Variants in PRKAR1B observed in about 807,000 individuals in gnomAD.
The protein encoded by PRKAR1B is protein kinase cAMP-dependent type I regulatory subunit beta, also known as cAMP-dependent protein kinase type I-beta regulatory subunit.
Under a neutral mutation model 46.5 loss-of-function variants are expected in PRKAR1B, and 22 were observed. The observed-to-expected ratio is 0.47, with a 90% CI of 0.34 to 0.68. The LOEUF (loss-of-function observed/expected upper bound fraction) is 0.68. Ranked by LOEUF, PRKAR1B falls within the 30% of genes least tolerant of loss-of-function variation. The probability of loss-of-function intolerance (pLI) is 0.01; values close to 1 mark genes in which losing one functional copy is unlikely to be tolerated. For synonymous variants in PRKAR1B, 259 were observed against 217.7 expected (o/e 1.19, Z -1.67); for missense variants, 445 against 535.6 (o/e 0.83, Z 1.67).
intron 2 of PRKAR1B, among the ~76,000 whole-genome samples, chr7:683,922 C>A (rs1218296116): frequency 6.6e-6 from 1 of 152,268 alleles, no homozygotes; most frequent in Non-Finnish European, 1.5e-5. Context: ...CTGATGCCCA[C>A]CTCCATGTGT....
At chr7:674,387 C>T (rs1032728496) in intron 4 of PRKAR1B, among the ~76,000 whole-genome samples, 3 of 152,132 alleles carry the variant, frequency 2.0e-5, no homozygotes, top group African/African-American at 7.2e-5. Context: ...CATCTAACTA[C>T]TCCAGTCATG....
intron 2 of PRKAR1B, among the ~76,000 whole-genome samples, chr7:702,995 A>G (rs1160498363): frequency 6.6e-6 from 1 of 152,118 alleles, no homozygotes; most frequent in Non-Finnish European, 1.5e-5. Context: ...GTCAAATCAT[A>G]TAAAAAAAGA....
chr7:680,394 C>G (rs545523204), intron 3 of PRKAR1B, among the ~76,000 whole-genome samples, 162 bp downstream of exon 3: 1 of 152,154 alleles, frequency 6.6e-6, no homozygotes, highest in African/African-American at 2.4e-5. Flanking sequence ...CCAAGCCCAC[C>G]CAGAACTGCC....
At chr7:629,919 G>T (rs111232578) in intron 4 of PRKAR1B, among the ~76,000 whole-genome samples, 1 of 64,842 alleles carries the variant, frequency 1.5e-5, no homozygotes, top group Non-Finnish European at 2.9e-5. Flanking sequence ...CCACCCCAGG[G>T]CTGGAAAACG....
intron 7 of PRKAR1B, among the ~76,000 whole-genome samples, chr7:594,090 C>T (rs1176561212): frequency 1.3e-5 from 2 of 152,126 alleles, no homozygotes; most frequent in African/African-American, 2.4e-5. Flanking sequence ...TCCCAGCTCA[C>T]GGGGCTCCAT....
chr7:657,732 C>T (rs1235641984), intron 4 of PRKAR1B, among the ~76,000 whole-genome samples: 1 of 152,118 alleles, frequency 6.6e-6, no homozygotes, highest in East Asian at 1.9e-4. Flanking sequence ...GCAACTGTTG[C>T]TTTTTTTGAA....
chr7:608,668 T>C (rs1936694036), intron 4 of PRKAR1B, among the ~76,000 whole-genome samples: 1 of 118,554 alleles, frequency 8.4e-6, no homozygotes, highest in African/African-American at 3.5e-5. Context: ...GAGGGATCAG[T>C]GTGTGGCAGG....
intron 9 of PRKAR1B, among the ~76,000 whole-genome samples, chr7:556,983 C>G (rs1230233490): frequency 6.6e-6 from 1 of 152,232 alleles, no homozygotes; most frequent in African/African-American, 2.4e-5. Context: ...TGCCCCTTGC[C>G]CTCCCACAGC....
chr7:723,997 G>C (rs759899729), intron 1 of PRKAR1B, among the ~76,000 whole-genome samples: 1 of 152,166 alleles, frequency 6.6e-6, no homozygotes, highest in African/African-American at 2.4e-5. Flanking sequence ...CTTTTATGAG[G>C]ACAGCAGTCA....
intron 6 of PRKAR1B, among the ~76,000 whole-genome samples, chr7:604,250 A>G (rs1423338902): frequency 3.3e-5 from 5 of 152,192 alleles, no homozygotes; most frequent in Non-Finnish European, 7.4e-5. Flanking sequence ...TTCCTGGGCT[A>G]GGCTTTTTTT....
chr7:672,450 C>A (rs1248623548), intron 4 of PRKAR1B, among the ~76,000 whole-genome samples: 1 of 152,138 alleles, frequency 6.6e-6, no homozygotes, highest in African/African-American at 2.4e-5. Context: ...CCGCACCCGG[C>A]CTTGTTGAAC....
At chr7:575,618 T>G (rs187529457) in intron 9 of PRKAR1B, among the ~76,000 whole-genome samples, 42 of 152,192 alleles carry the variant, frequency 2.8e-4, no homozygotes, top group African/African-American at 9.6e-4. Flanking sequence ...CAATCATAGC[T>G]CACTGTAGCC....
chr7:698,520 G>A (rs1297373514), intron 2 of PRKAR1B, among the ~76,000 whole-genome samples: 1 of 152,022 alleles, frequency 6.6e-6, no homozygotes, highest in Non-Finnish European at 1.5e-5. Flanking sequence ...GTGAGCATGT[G>A]CACATATGTG....
In PRKAR1B at chr7:711,497, G is replaced by C. The variant is rs1385709730; in HGVS notation, c.9C>G (p.Ser3=). Reference sequence around the variant, plus strand: ...CCTCCTCCGAGGGGCAGGCGGGCGGGGAGGCCATGGCGAGGGTGGCTGCTT... The same window carrying C: ...CCTCCTCCGAGGGGCAGGCGGGCGGCGAGGCCATGGCGAGGGTGGCTGCTT... MA[S]PPACPSEEDE... is the part of the protein sequence containing the mutation. Residue 3 remains serine (S), a synonymous_variant, in exon 2 of 11, where the codon TCC becomes TCG. Transcript: ENST00000537384. The C allele has an allele frequency of 2.5e-6, 4 of 1,613,480 alleles. No individual in the cohort carries two copies. Among genetic ancestry groups the C allele is most frequent in the East Asian group, 2.2e-5 (1 of 44,880 alleles).
intron 9 of PRKAR1B, among the ~76,000 whole-genome samples, chr7:573,072 C>T (rs990021232): frequency 3.3e-5 from 5 of 152,142 alleles, no homozygotes; most frequent in Admixed American, 3.3e-4. Context: ...CCGCCCTGGA[C>T]GTGCGGTCCA....
intron 4 of PRKAR1B, among the ~76,000 whole-genome samples, chr7:637,248 T>G (rs894768790): frequency 6.6e-6 from 1 of 151,826 alleles, no homozygotes; most frequent in African/African-American, 2.4e-5. Flanking sequence ...TGAAATCCCG[T>G]CTCTAACTAA....
At chr7:557,151 C>A in intron 9 of PRKAR1B, among the ~76,000 whole-genome samples, 1 of 152,196 alleles carries the variant, frequency 6.6e-6, no homozygotes. Flanking sequence ...CCCCGGGACT[C>A]CCTCCTCCTG....
In PRKAR1B at chr7:602,929, C is replaced by A. The variant is rs1178850020; in HGVS notation, c.549+3264G>T. On this transcript the variant is annotated intron_variant, in intron 6 of 10. Transcript: ENST00000537384. This position sits in a 1 kb window ranked among gnomAD's most constrained non-coding sequence, Gnocchi z 6.4. ...GGGTCCTCTGAGTCCCGAGTCCACG[C>A]GATCCTGACCCGTCCACCACCCTCC... 6.6e-6 allele frequency among the ~76,000 whole-genome samples: 1 copy of A among 152,180 alleles called. No homozygotes were observed. The highest frequency in any genetic ancestry group is 1.9e-4 in the East Asian group (1 of 5,190).
At chr7:663,144 A>G (rs928111957) in intron 4 of PRKAR1B, among the ~76,000 whole-genome samples, 1 of 152,206 alleles carries the variant, frequency 6.6e-6, no homozygotes, top group Non-Finnish European at 1.5e-5. Flanking sequence ...AGAATCAGTC[A>G]CTTCCTCAGT....
Sources: gnomAD v4.1 joint callset for allele counts (sites outside exome capture counted in the v4.1 genomes callset) on GRCh38, gnomAD v4.1.1 for gene constraint, Gnocchi (gnomAD v3.1) non-coding constraint, MANE v1.5 for transcripts, NCBI Gene and HGNC (gene_info 2026-07-23, HGNC 2026-07-21) for gene names.